The following GABRB2 variants were observed in gnomAD, a reference collection of about 807,000 sequenced individuals.
GABRB2 encodes gamma-aminobutyric acid type A receptor subunit beta2.
In GABRB2, 16 loss-of-function variants were observed where a neutral mutation model predicts 54.7. The ratio of observed to expected loss-of-function variants is 0.29; its 90% confidence interval spans 0.20 to 0.44. The LOEUF (loss-of-function observed/expected upper bound fraction) is 0.44. Ranked by LOEUF, GABRB2 falls within the 20% of genes least tolerant of loss-of-function variation. GABRB2 has a pLI of 1.00. For missense variants in GABRB2, 355 were observed against 644.0 expected (o/e 0.55, Z 4.86); for synonymous variants, 244 against 233.8 (o/e 1.04, Z -0.40).
intron 3 of GABRB2, among the ~76,000 whole-genome samples, chr5:161,497,578 C>A (rs1312318530): frequency 6.6e-6 from 1 of 150,444 alleles, no homozygotes; most frequent in Non-Finnish European, 1.5e-5. Context: ...GTAACAAAGA[C>A]TAGAATCTCC....
At chr5:161,465,619 G>A (rs145591120) in intron 3 of GABRB2, among the ~76,000 whole-genome samples, 4,375 of 152,052 alleles carry the variant, frequency 0.029, 111 homozygotes, top group Admixed American at 0.08. Flanking sequence ...ACTGTAAAAC[G>A]TGTGTCTGTG....
At chr5:161,324,691 G>A (rs1306320545) in intron 9 of GABRB2, among the ~76,000 whole-genome samples, 1 of 151,974 alleles carries the variant, frequency 6.6e-6, no homozygotes, top group Non-Finnish European at 1.5e-5. Flanking sequence ...AAGTTTACTA[G>A]AAAGCTTGTT....
intron 9 of GABRB2, among the ~76,000 whole-genome samples, chr5:161,324,826 C>A (rs1758316957): frequency 6.6e-6 from 1 of 152,130 alleles, no homozygotes; most frequent in Middle Eastern, 3.4e-3. Context: ...ATTCATATTT[C>A]AATGTAGAAT....
In GABRB2 at chr5:161,292,957, T is replaced by C. The variant is rs1199001769; in HGVS notation, c.*1124A>G. The C allele has an allele frequency of 6.6e-6, 1 of 152,192 alleles. No homozygotes were observed. Among genetic ancestry groups the C allele is most frequent in the Non-Finnish European group, 1.5e-5 (1 of 68,022 alleles). The allele number at this position is 152,192 out of a possible 1,614,324, so 9.4% of individuals were successfully genotyped here. A position where few individuals can be genotyped will look rare whatever the true frequency, so the allele number is the denominator to read the frequency against. On this transcript the variant is annotated 3_prime_UTR_variant, in exon 10 of 10. Coordinates refer to ENST00000393959, the MANE Select transcript of GABRB2 (RefSeq NM_001371727.1). The stretch of plus-strand genomic sequence containing the variant: ...TTAAAGTGATGAACAAATCCTTCTC[T>C]TGAAATACTCTATTAAATTAAGAAA...
chr5:161,372,496 G>A (rs1350689274), intron 5 of GABRB2, among the ~76,000 whole-genome samples: 1 of 152,064 alleles, frequency 6.6e-6, no homozygotes, highest in African/African-American at 2.4e-5. Context: ...CTGTAAGTCT[G>A]GGAAACTTAC....
intron 9 of GABRB2, among the ~76,000 whole-genome samples, chr5:161,308,127 C>T (rs1757755042): frequency 6.6e-6 from 1 of 152,108 alleles, no homozygotes. Flanking sequence ...TCACAAAGTG[C>T]TGGGATTACA....
At chr5:161,499,304 A>G (rs1276011366) in intron 3 of GABRB2, among the ~76,000 whole-genome samples, 1 of 152,186 alleles carries the variant, frequency 6.6e-6, no homozygotes, top group Admixed American at 6.6e-5. Flanking sequence ...GGCTCAAATT[A>G]TGAGCAATAA....
chr5:161,380,714 A>C (rs1755438642), intron 5 of GABRB2, among the ~76,000 whole-genome samples: 1 of 152,178 alleles, frequency 6.6e-6, no homozygotes, highest in Admixed American at 6.5e-5. Context: ...TAATGCAGAA[A>C]ATTTGAAAAC....
chr5:161,433,552 G>C (rs1757229583), intron 4 of GABRB2, among the ~76,000 whole-genome samples: 1 of 152,004 alleles, frequency 6.6e-6, no homozygotes, highest in African/African-American at 2.4e-5. Flanking sequence ...TGAGACTACA[G>C]TGAGCTGTGA....
intron 3 of GABRB2, among the ~76,000 whole-genome samples, chr5:161,483,455 AG>A (rs1758825358): frequency 6.6e-6 from 1 of 151,946 alleles, no homozygotes; most frequent in South Asian, 2.1e-4. Context: ...AGGGGGTGGT[AG>A]GGGAGGATAA....
chr5:161,506,442 A>C (rs1410718972), intron 3 of GABRB2, among the ~76,000 whole-genome samples: 1 of 152,174 alleles, frequency 6.6e-6, no homozygotes, highest in Non-Finnish European at 1.5e-5. Flanking sequence ...ATTATGAAAA[A>C]CAAGAATCAA....
Position 161,382,108 on chromosome 5 carries a change from G to C in GABRB2, c.541+28867C>G, listed in dbSNP as rs571187762. Among the ~76,000 whole-genome samples the C allele has an allele frequency of 2.6e-5, 4 of 152,198 alleles. No homozygotes were observed. In the South Asian group the frequency reaches 6.2e-4, roughly 24 times the overall value. On this transcript the variant is annotated intron_variant, in intron 5 of 9. Transcript: ENST00000393959. Reference sequence around the variant, plus strand: ...CAAATGAAGAAAATATCTGGTTTTTGTCCATACTTGGTCCAATACATTGAA... The same window carrying C: ...CAAATGAAGAAAATATCTGGTTTTTCTCCATACTTGGTCCAATACATTGAA...
intron 5 of GABRB2, among the ~76,000 whole-genome samples, chr5:161,352,393 T>C (rs1754500432): frequency 6.6e-6 from 1 of 151,976 alleles, no homozygotes; most frequent in Non-Finnish European, 1.5e-5. Context: ...AAAAAAATCC[T>C]GTCATTTGCG....
At chr5:161,514,662 A>G (rs558981521) in intron 3 of GABRB2, among the ~76,000 whole-genome samples, 5 of 152,102 alleles carry the variant, frequency 3.3e-5, no homozygotes, top group Admixed American at 2.0e-4. Flanking sequence ...TGTGCATGTA[A>G]AATTATGTGC....
At chr5:161,416,498 C>T (rs545130160) in intron 4 of GABRB2, among the ~76,000 whole-genome samples, 1 of 151,778 alleles carries the variant, frequency 6.6e-6, no homozygotes, top group South Asian at 2.1e-4. Flanking sequence ...TGAACTTCTA[C>T]CTTGTTTGAT....
chr5:161,542,050 C>T (rs1158455633), intron 3 of GABRB2, among the ~76,000 whole-genome samples: 1 of 152,102 alleles, frequency 6.6e-6, no homozygotes, highest in African/African-American at 2.4e-5. Context: ...GAATAGGGAA[C>T]CTCACAGAGA....
intron 3 of GABRB2, among the ~76,000 whole-genome samples, chr5:161,511,136 T>G (rs1759756085): frequency 6.6e-6 from 1 of 151,994 alleles, no homozygotes; most frequent in Admixed American, 6.6e-5. Context: ...ATAGGGGTAC[T>G]TTCTCAAAAA....
At chr5:161,421,735 G>C (rs1756859819) in intron 4 of GABRB2, among the ~76,000 whole-genome samples, 2 of 152,144 alleles carry the variant, frequency 1.3e-5, no homozygotes, top group Non-Finnish European at 2.9e-5. Context: ...TTTTCAGATG[G>C]TGACAAATAT....
intron 6 of GABRB2, 42 bp downstream of exon 6, chr5:161,336,590 G>C: frequency 6.2e-7 from 1 of 1,600,236 alleles, no homozygotes. Context: ...AACAAAATAC[G>C]GTGAAGATTA....
Sources: gnomAD v4.1 joint callset for allele counts (sites outside exome capture counted in the v4.1 genomes callset) on GRCh38, gnomAD v4.1.1 for gene constraint, MANE v1.5 for transcripts, NCBI Gene and HGNC (gene_info 2026-07-23, HGNC 2026-07-21) for gene names.